The following DYNC1I2 variants were observed in gnomAD, a reference collection of about 807,000 sequenced individuals.
The protein encoded by DYNC1I2 is cytoplasmic dynein 1 intermediate chain 2.
A neutral mutation model predicts 88.6 loss-of-function variants in DYNC1I2; 53 were observed. That is an observed-to-expected ratio of 0.60 (90% CI 0.48 to 0.75). The LOEUF (loss-of-function observed/expected upper bound fraction) is 0.75, where lower values mean the gene tolerates loss of function less well. DYNC1I2 is among the 30% of genes least tolerant of loss of function. DYNC1I2 has a pLI of 0.00. For synonymous variants in DYNC1I2, 198 were observed against 254.6 expected, an observed-to-expected ratio of 0.78 and a Z score of 2.12; for missense variants, 458 against 766.6, an observed-to-expected ratio of 0.60 and a Z score of 4.75.
At chr2:171,726,633 T>C (rs1328520657) in intron 10 of DYNC1I2, 158 bp from the exon 11 acceptor site, 1 of 717,194 alleles carries the variant, frequency 1.4e-6, no homozygotes, top group African/African-American at 1.8e-5. Context: ...AAAATTGTAC[T>C]AATGTCCCAG....
At chr2:171,690,635 G>GT (rs1313202473) in intron 2 of DYNC1I2, among the ~76,000 whole-genome samples, 1 of 147,568 alleles carries the variant, frequency 6.8e-6, no homozygotes, top group African/African-American at 2.5e-5. Context: ...AGGCGCATCT[G>GT]TATTTTTTTT....
Position 171,720,912 on chromosome 2 carries a change from A to G in DYNC1I2, c.512-4706A>G, listed in dbSNP as rs189826976. 9.2e-5 allele frequency among the ~76,000 whole-genome samples: 14 copies of G among 152,210 alleles called. No individual in the cohort carries two copies. In the East Asian group the frequency reaches 2.7e-3, roughly 29 times the overall value. ...TATCTGAAACCCTGGCCTCAGAAAA[A>G]TATAATATTTGATGAAATCACAGAT... On this transcript the variant is annotated intron_variant, in intron 7 of 17. Coordinates refer to ENST00000397119, the MANE Select transcript of DYNC1I2 (RefSeq NM_001378.3).
intron 13 of DYNC1I2, 28 bp from the exon 14 acceptor site, chr2:171,728,689 A>G: frequency 6.6e-7 from 1 of 1,516,464 alleles, no homozygotes; most frequent in Non-Finnish European, 8.8e-7. Flanking sequence ...AAGTTTACAA[A>G]CTAATTTTCT....
chr2:171,729,930 T>G, intron 15 of DYNC1I2, 77 bp downstream of exon 15: 1 of 1,511,262 alleles, frequency 6.6e-7, no homozygotes, highest in Admixed American at 1.9e-5. Flanking sequence ...ATAGGAATGA[T>G]GAAAACCTTT....
At chr2:171,732,698 G>A (rs2105724721) in intron 15 of DYNC1I2, among the ~76,000 whole-genome samples, 1 of 152,246 alleles carries the variant, frequency 6.6e-6, no homozygotes, top group African/African-American at 2.4e-5. Flanking sequence ...ATGCAGAATT[G>A]GTGAGATGAA....
chr2:171,724,824 G>C (rs1688129771), intron 7 of DYNC1I2, among the ~76,000 whole-genome samples: 1 of 152,164 alleles, frequency 6.6e-6, no homozygotes, highest in South Asian at 2.1e-4. Context: ...GCAGGGTTAT[G>C]TGTTCTATAA....
In DYNC1I2 at chr2:171,729,723, G is replaced by C. The variant is rs1409107008; in HGVS notation, c.1406G>C (p.Ser469Thr). ...TATGAAATTAGCAAAGCTGGAATCA[G>C]TGAGATGTTTGAGGGGCATCAAGGA... Reference protein sequence around the residue: ...ACRHGSKAGISEMFEGHQGPI... With the variant: ...ACRHGSKAGITEMFEGHQGPI... The change falls in exon 15 of 18, where the codon AGT becomes ACT. Residue 469 changes from serine to threonine, a missense_variant. Ser to Thr is a moderately conservative substitution (Grantham distance 58, BLOSUM62 1). Around this residue, in one of 5 missense-constraint regions of DYNC1I2, gnomAD observed 188 missense variants for 300.4 expected, o/e 0.63. Coordinates refer to ENST00000397119, the MANE Select transcript of DYNC1I2 (RefSeq NM_001378.3). 6 of 1,612,486 alleles carry C rather than the reference G, an allele frequency of 3.7e-6. No homozygotes were observed. Among genetic ancestry groups the C allele is most frequent in the Non-Finnish European group, 5.1e-6 (6 of 1,179,724 alleles).
chr2:171,715,797 A>G (rs1358589739), intron 7 of DYNC1I2, among the ~76,000 whole-genome samples: 1 of 152,170 alleles, frequency 6.6e-6, no homozygotes, highest in Non-Finnish European at 1.5e-5. Flanking sequence ...TTCTTCCCCA[A>G]AAGAGAGTGG....
chr2:171,694,021 A>G (rs1310301244), intron 3 of DYNC1I2, among the ~76,000 whole-genome samples: 2 of 146,578 alleles, frequency 1.4e-5, no homozygotes, highest in Non-Finnish European at 3.0e-5. Flanking sequence ...CACTGAACTC[A>G]CTTGTTCATA....
chr2:171,749,075 A>G lies in DYNC1I2; in HGVS notation c.*1186A>G, dbSNP rs1273549322. On this transcript the variant is annotated 3_prime_UTR_variant, in exon 18 of 18. Transcript: ENST00000397119. ...GAACTAGGAAGAGAGATTAGAAAACAGAATGTGAACATTTTTCTTTTAATA... is the reference window on the plus strand; with the variant it reads ...GAACTAGGAAGAGAGATTAGAAAACGGAATGTGAACATTTTTCTTTTAATA... Among the ~76,000 whole-genome samples the G allele has an allele frequency of 6.6e-6, 1 of 152,208 alleles. No homozygotes were observed. The highest frequency in any genetic ancestry group is 1.5e-5 in the Non-Finnish European group (1 of 68,012).
At chr2:171,744,277 A>C in intron 16 of DYNC1I2, 88 bp downstream of exon 16, 1 of 1,358,866 alleles carries the variant, frequency 7.4e-7, no homozygotes. Context: ...TTTTCCAAAG[A>C]ATGTAAAAGG....
Position 171,744,192 on chromosome 2 carries a change from G to A in DYNC1I2, c.1677+3G>A. ...GGAATCTCAATAATGACACAGAGGT[G>A]AGCAGGAAAATAACAAAAATTGCAT... On this transcript the variant is annotated splice_donor_region_variant and intron_variant, in intron 16 of 17. Coordinates refer to ENST00000397119, the MANE Select transcript of DYNC1I2 (RefSeq NM_001378.3). The A allele has an allele frequency of 6.4e-7, 1 of 1,573,096 alleles. No homozygotes were observed. Among genetic ancestry groups the A allele is most frequent in the Non-Finnish European group, 8.6e-7 (1 of 1,166,060 alleles).
At chr2:171,743,842 AAATGCAATCAATAGTTGATTCTTAGTTT>A (rs1689608159) in intron 15 of DYNC1I2, among the ~76,000 whole-genome samples, 179 bp from the exon 16 acceptor site, 1 of 152,264 alleles carries the variant, frequency 6.6e-6, no homozygotes, top group African/African-American at 2.4e-5. Context: ...GTTAAAAAGA[AAATGCAATCAATAGTTGATTCTTAGTTT>A]ACAATACCAG....
At chr2:171,693,208 A>G (rs1335560245) in intron 3 of DYNC1I2, 1 of 297,122 alleles carries the variant, frequency 3.4e-6, no homozygotes, top group Non-Finnish European at 6.5e-6. Context: ...CTCAAAGATA[A>G]CTAGGATTCC....
Position 171,707,350 on chromosome 2 carries a change from A to C in DYNC1I2, c.308A>C (p.Asp103Ala). The change falls in exon 5 of 18, where the codon GAC becomes GCC. Residue 103 changes from aspartate (D) to alanine (A), a missense_variant. Physicochemically the swap from Asp to Ala is moderately radical, Grantham distance 126 (BLOSUM62 -2). This residue lies in a region of DYNC1I2 where 203 missense variants were observed against 354.2 expected (regional missense o/e 0.57). Coordinates refer to ENST00000397119, the MANE Select transcript of DYNC1I2 (RefSeq NM_001378.3). ...ACTCCAAGTGAAGCTGGAAGCCAAG[A>C]CTCTGGAGATGGCGCCGTGGGATCT... The part of the protein sequence containing the change: ...VSTPSEAGSQ[D>A]SGDGAVGSRT... 1 of 1,613,270 alleles carries C rather than the reference A, an allele frequency of 6.2e-7. No homozygotes were observed. The highest frequency in any genetic ancestry group is 8.5e-7 in the Non-Finnish European group (1 of 1,179,648).
chr2:171,729,366 T>C (rs1688457471), intron 14 of DYNC1I2, among the ~76,000 whole-genome samples: 2 of 152,184 alleles, frequency 1.3e-5, no homozygotes, highest in African/African-American at 2.4e-5. Context: ...ATCTCAAATA[T>C]AGATCACCTT....
At chr2:171,742,318 G>T (rs2105777308) in intron 15 of DYNC1I2, among the ~76,000 whole-genome samples, 1 of 152,096 alleles carries the variant, frequency 6.6e-6, no homozygotes, top group Admixed American at 6.5e-5. Flanking sequence ...GACTATAGGT[G>T]CATGCCACCA....
intron 3 of DYNC1I2, among the ~76,000 whole-genome samples, chr2:171,695,067 C>T (rs1007177036): frequency 7.9e-5 from 12 of 151,932 alleles, no homozygotes; most frequent in African/African-American, 2.2e-4. Context: ...ATTAAGTGAC[C>T]ACTTTTGCAG....
At chr2:171,726,643 G>C in intron 10 of DYNC1I2, 148 bp from the exon 11 acceptor site, 1 of 790,792 alleles carries the variant, frequency 1.3e-6, no homozygotes, top group Non-Finnish European at 1.9e-6. Context: ...TAATGTCCCA[G>C]TAGGCATAAT....
Sources: gnomAD v4.1 joint callset for allele counts (sites outside exome capture counted in the v4.1 genomes callset) on GRCh38, gnomAD v4.1.1 for gene constraint, gnomAD v4.1.1 regional missense constraint, MANE v1.5 for transcripts, NCBI Gene and HGNC (gene_info 2026-07-23, HGNC 2026-07-21) for gene names.